The following CYP4X1 variants were observed in gnomAD, a reference collection of about 807,000 sequenced individuals.
The protein encoded by CYP4X1 is cytochrome P450 family 4 subfamily X member 1.
In CYP4X1, 44 loss-of-function variants were observed where a neutral mutation model predicts 57.9. That is an observed-to-expected ratio of 0.76 (90% CI 0.60 to 0.98). The LOEUF is 0.98. Among genes scored for constraint, CYP4X1 ranks in the 50% least tolerant of loss-of-function variants. The pLI, the probability that CYP4X1 is intolerant of heterozygous loss-of-function variation, is 0.00. For synonymous variants in CYP4X1, 227 were observed against 228.6 expected, an observed-to-expected ratio of 0.99 and a Z score of 0.06; for missense variants, 532 against 623.9, an observed-to-expected ratio of 0.85 and a Z score of 1.57.
chr1:46,970,198 AT>A, the CYP4X1 span, among the ~76,000 whole-genome samples: 1 of 152,196 alleles, frequency 6.6e-6, no homozygotes, highest in Non-Finnish European at 1.5e-5. Context: ...CTGAAGTTGA[AT>A]TTATTATGTA....
At chr1:46,987,176 A>T in the CYP4X1 span, among the ~76,000 whole-genome samples, 1 of 152,200 alleles carries the variant, frequency 6.6e-6, no homozygotes, top group Non-Finnish European at 1.5e-5. Context: ...AAATAAAGGG[A>T]TGGAGGAATA....
At chr1:46,983,234 A>G in the CYP4X1 span, among the ~76,000 whole-genome samples, 2 of 152,154 alleles carry the variant, frequency 1.3e-5, no homozygotes, top group African/African-American at 4.8e-5. Flanking sequence ...TGGCAACTCC[A>G]CCACAGAGAG....
chr1:47,023,518 G>C (rs933577856), upstream of CYP4X1: 1 of 1,146,514 alleles, frequency 8.7e-7, no homozygotes, highest in African/African-American at 1.6e-5. Context: ...TATAAATTCA[G>C]ATCCCGTGAC....
downstream of CYP4X1, among the ~76,000 whole-genome samples, chr1:47,053,979 A>AT (rs1385525863): frequency 6.6e-6 from 1 of 152,026 alleles, no homozygotes; most frequent in African/African-American, 2.4e-5. Flanking sequence ...TTTTTTAGAC[A>AT]TGAAGTCCTT....
rs1443046911 is a variant in CYP4X1 at position 47,049,437 on chromosome 1, A to T, written c.1288A>T (p.Arg430Trp). 1 of 1,613,924 alleles carries T rather than the reference A, an allele frequency of 6.2e-7. No individual in the cohort carries two copies. The change falls in exon 11 of 12, where the codon AGG becomes TGG. Residue 430 changes from arginine (R) to tryptophan (W), a missense_variant. Transcript: ENST00000371901. ...WKNPKVFDPL[R>W]FSQENSDQRH... is the part of the protein sequence containing the mutation. Reference sequence around the variant, plus strand: ...CTCATTTCAGGTCTTTGACCCCTTGAGGTTCTCTCAGGAGAATTCTGATCA... The same window carrying T: ...CTCATTTCAGGTCTTTGACCCCTTGTGGTTCTCTCAGGAGAATTCTGATCA...
At chr1:47,044,128 T>C (rs537183545) in intron 8 of CYP4X1, among the ~76,000 whole-genome samples, 1 of 152,312 alleles carries the variant, frequency 6.6e-6, no homozygotes, top group African/African-American at 2.4e-5. Flanking sequence ...TGCCATTTTG[T>C]TAATTGTTTT....
chr1:47,017,438 G>A, the CYP4X1 span, among the ~76,000 whole-genome samples: 22 of 151,674 alleles, frequency 1.5e-4, no homozygotes, highest in Admixed American at 3.9e-4. Context: ...TTTTTTTTGA[G>A]GAACACTTTG....
intron 8 of CYP4X1, among the ~76,000 whole-genome samples, chr1:47,046,070 A>G (rs1001457816): frequency 5.9e-5 from 9 of 152,198 alleles, no homozygotes; most frequent in South Asian, 4.1e-4. Flanking sequence ...TTCCTTTTCC[A>G]TGGCACTCTG....
At chr1:46,973,271 C>A in the CYP4X1 span, among the ~76,000 whole-genome samples, 4 of 152,128 alleles carry the variant, frequency 2.6e-5, no homozygotes, top group African/African-American at 7.2e-5. Context: ...AGCCCAGGAC[C>A]AAAGCCTACT....
the CYP4X1 span, among the ~76,000 whole-genome samples, chr1:46,968,411 C>A: frequency 4.6e-5 from 7 of 152,212 alleles, 1 homozygote; most frequent in African/African-American, 1.7e-4. Context: ...AATGCCCCAG[C>A]TGTCAGCCAG....
At chr1:46,985,481 G>A in the CYP4X1 span, among the ~76,000 whole-genome samples, 1 of 152,200 alleles carries the variant, frequency 6.6e-6, no homozygotes, top group South Asian at 2.1e-4. Context: ...TCTGAAGAGA[G>A]CAGTGGATCT....
At chr1:47,011,183 C>T in the CYP4X1 span, among the ~76,000 whole-genome samples, 1 of 152,190 alleles carries the variant, frequency 6.6e-6, no homozygotes, top group African/African-American at 2.4e-5. Flanking sequence ...GTAACCAAAA[C>T]AGCATGGTAC....
the CYP4X1 span, among the ~76,000 whole-genome samples, chr1:46,974,327 A>C: frequency 5.3e-5 from 8 of 151,932 alleles, no homozygotes. Context: ...TAATTTGTTG[A>C]GAATTGCTTT....
chr1:47,041,680 C>T (rs1443503518), intron 8 of CYP4X1, among the ~76,000 whole-genome samples: 1 of 152,064 alleles, frequency 6.6e-6, no homozygotes, highest in Non-Finnish European at 1.5e-5. Flanking sequence ...TGAATATTAA[C>T]CCCTTATCAG....
the CYP4X1 span, among the ~76,000 whole-genome samples, chr1:46,999,478 T>C: frequency 6.6e-6 from 1 of 152,190 alleles, no homozygotes; most frequent in African/African-American, 2.4e-5. Flanking sequence ...TTTGTTCATC[T>C]ACCTAGTGGT....
At chr1:47,046,436 T>TGATAC (rs769828914) in intron 8 of CYP4X1, 31 bp from the exon 9 acceptor site, 1 of 1,613,006 alleles carries the variant, frequency 6.2e-7, no homozygotes, top group South Asian at 1.1e-5. Context: ...GGTTATGATA[T>TGATAC]CTGAGTCCCT....
the CYP4X1 span, among the ~76,000 whole-genome samples, chr1:47,009,336 G>T: frequency 1.3e-5 from 2 of 151,910 alleles, no homozygotes; most frequent in East Asian, 3.8e-4. Flanking sequence ...AATGAAGGCA[G>T]AAATAAAGAT....
chr1:47,055,130 G>A (rs1272514237), downstream of CYP4X1, among the ~76,000 whole-genome samples: 2 of 152,088 alleles, frequency 1.3e-5, no homozygotes, highest in African/African-American at 4.8e-5. Flanking sequence ...TTAGCATGAA[G>A]GTTGTTGAAT....
chr1:47,049,105 A>G (rs776266927), intron 10 of CYP4X1, among the ~76,000 whole-genome samples: 55 of 152,256 alleles, frequency 3.6e-4, no homozygotes, highest in Non-Finnish European at 6.9e-4. Context: ...TACTGAGCAC[A>G]TGACATGTGG....
Sources: gnomAD v4.1 joint callset for allele counts (sites outside exome capture counted in the v4.1 genomes callset) on GRCh38, gnomAD v4.1.1 for gene constraint, MANE v1.5 for transcripts, NCBI Gene and HGNC (gene_info 2026-07-23, HGNC 2026-07-21) for gene names.